The following SPAG1 variants were observed in gnomAD, a reference collection of about 807,000 sequenced individuals.
The protein encoded by SPAG1 is sperm-associated antigen 1.
Under a neutral mutation model 100.5 loss-of-function variants are expected in SPAG1, and 69 were observed. The observed-to-expected ratio is 0.69, with a 90% CI of 0.57 to 0.84. SPAG1 has a LOEUF of 0.84. Ranked by LOEUF, SPAG1 falls within the 40% of genes least tolerant of loss-of-function variation. The pLI, the probability that SPAG1 is intolerant of heterozygous loss-of-function variation, is 0.00. For missense variants in SPAG1, 955 were observed against 1,133.1 expected (o/e 0.84, Z 2.26); for synonymous variants, 336 against 411.6 (o/e 0.82, Z 2.22).
intron 1 of SPAG1, among the ~76,000 whole-genome samples, chr8:100,161,860 C>T (rs1815320969): frequency 6.6e-6 from 1 of 152,220 alleles, no homozygotes; most frequent in African/African-American, 2.4e-5. Context: ...GGACATATGG[C>T]TTAGAAGGTA....
intron 14 of SPAG1, among the ~76,000 whole-genome samples, chr8:100,229,735 G>T (rs2132417738): frequency 6.6e-6 from 1 of 152,360 alleles, no homozygotes; most frequent in East Asian, 1.9e-4. Context: ...AATAGGGATA[G>T]TGTGTAATTC....
intron 6 of SPAG1, among the ~76,000 whole-genome samples, 183 bp downstream of exon 6, chr8:100,184,245 A>G (rs1816492498): frequency 6.6e-6 from 1 of 152,190 alleles, no homozygotes; most frequent in South Asian, 2.1e-4. Flanking sequence ...TAATTTTTAA[A>G]TGTAGTAAGG....
At chr8:100,215,926 T>C (rs901930917) in intron 12 of SPAG1, among the ~76,000 whole-genome samples, 3 of 152,256 alleles carry the variant, frequency 2.0e-5, no homozygotes, top group African/African-American at 7.2e-5. Flanking sequence ...TATTTAAATT[T>C]GAAGTGAATA....
intron 10 of SPAG1, among the ~76,000 whole-genome samples, chr8:100,206,727 A>C (rs1385929062): frequency 6.6e-6 from 1 of 152,130 alleles, no homozygotes. Flanking sequence ...ACCAAGAAAG[A>C]GACACAATGC....
intron 12 of SPAG1, among the ~76,000 whole-genome samples, chr8:100,219,222 G>A (rs1178408524): frequency 6.6e-6 from 1 of 152,228 alleles, no homozygotes; most frequent in Non-Finnish European, 1.5e-5. Flanking sequence ...ATTTCTAAGA[G>A]TATCGGAAAA....
intron 12 of SPAG1, among the ~76,000 whole-genome samples, chr8:100,215,524 G>A (rs1460757918): frequency 1.3e-5 from 2 of 152,116 alleles, no homozygotes; most frequent in East Asian, 3.9e-4. Flanking sequence ...GGCTGTATCA[G>A]TTTATTTTGT....
At chr8:100,226,055 G>A (rs1218869551) in intron 14 of SPAG1, among the ~76,000 whole-genome samples, 8 of 149,342 alleles carry the variant, frequency 5.4e-5, no homozygotes, top group South Asian at 2.1e-4. Context: ...AGAGTGCAGT[G>A]GTGTGACCTC....
At chr8:100,214,706 G>T (rs1161788277) in intron 12 of SPAG1, among the ~76,000 whole-genome samples, 5 of 152,120 alleles carry the variant, frequency 3.3e-5, no homozygotes, top group Non-Finnish European at 7.4e-5. Context: ...CTCATGGCCA[G>T]GCACAGTGGC....
At position 100,239,130 on chromosome 8, in the gene SPAG1, G is replaced by A; in HGVS notation, c.2116-110G>A. On this transcript the variant is annotated intron_variant, in intron 16 of 18. Transcript: ENST00000388798. This position sits in a 1 kb window ranked among gnomAD's most constrained non-coding sequence, Gnocchi z 5.0. ...CACTTTGTAAGAGTGGTATTAATGT[G>A]GACCCTGCACACATACTGCACAGCT... 1 of 577,788 alleles carries A rather than the reference G, an allele frequency of 1.7e-6. No homozygotes were observed. The highest frequency in any genetic ancestry group is 3.0e-6 in the Non-Finnish European group (1 of 334,250). 35.8% of individuals were successfully genotyped at this position (577,788 alleles called of 1,614,324 possible). A position where few individuals can be genotyped will look rare whatever the true frequency, so the allele number is the denominator to read the frequency against.
At position 100,213,242 on chromosome 8, in the gene SPAG1, C is replaced by G. The variant is rs1464845313; in HGVS notation, c.1249C>G (p.Arg417Gly). 7.6e-7 allele frequency: 1 copy of G among 1,313,184 alleles called. No individual in the cohort carries two copies. Among genetic ancestry groups the G allele is most frequent in the South Asian group, 1.9e-5 (1 of 51,860 alleles). 81.3% of individuals were successfully genotyped at this position (1,313,184 alleles called of 1,614,324 possible). A position where few individuals can be genotyped will look rare whatever the true frequency, so the allele number is the denominator to read the frequency against. The part of the protein sequence containing the change: ...GQTPEAGADK[R>G]SPRRASAAAA... The stretch of plus-strand genomic sequence containing the variant: ...GACCCCGGAGGCCGGCGCGGACAAG[C>G]GGAGCCCACGGCGGGCCTCTGCGGC... The change falls in exon 11 of 19, where the codon CGG becomes GGG. Residue 417 changes from arginine to glycine, a missense_variant. By Grantham distance (125) the Arg-to-Gly change is moderately radical. Coordinates refer to ENST00000388798, the MANE Select transcript of SPAG1 (RefSeq NM_003114.5).
At chr8:100,162,216 C>T in intron 1 of SPAG1, 63 bp from the exon 2 acceptor site, 1 of 1,307,320 alleles carries the variant, frequency 7.6e-7, no homozygotes, top group Non-Finnish European at 1.1e-6. Context: ...TACATGGTTA[C>T]CACTATCCAA....
chr8:100,212,744 A>G (rs1217409658), intron 10 of SPAG1, among the ~76,000 whole-genome samples: 3 of 152,200 alleles, frequency 2.0e-5, no homozygotes, highest in Non-Finnish European at 2.9e-5. Context: ...AAAAGTACGT[A>G]TTTTGTAAGC....
At chr8:100,225,688 TGG>T (rs1051895635) in intron 14 of SPAG1, among the ~76,000 whole-genome samples, 8 of 152,124 alleles carry the variant, frequency 5.3e-5, no homozygotes, top group African/African-American at 1.9e-4. Context: ...TTGGCCAGGC[TGG>T]TCTCAAACTC....
At position 100,190,570 on chromosome 8, in the gene SPAG1, C is replaced by T. The variant is rs1369285894; in HGVS notation, c.833-820C>T. Among the ~76,000 whole-genome samples the T allele has an allele frequency of 3.9e-5, 6 of 152,054 alleles. No individual in the cohort carries two copies. In the East Asian group the frequency reaches 9.7e-4, roughly 24 times the overall value. ...ATTCTCTCAGTTCCCTATGCTAAGTCACTCCTTCTAATCATTTTAGAGATT... is the reference window on the plus strand; with the variant it reads ...ATTCTCTCAGTTCCCTATGCTAAGTTACTCCTTCTAATCATTTTAGAGATT... On this transcript the variant is annotated intron_variant, in intron 8 of 18. Coordinates refer to ENST00000388798, the MANE Select transcript of SPAG1 (RefSeq NM_003114.5).
At position 100,179,341 on chromosome 8, in the gene SPAG1, C is replaced by G. The variant is rs552713341; in HGVS notation, c.426+1400C>G. 2.4e-4 allele frequency among the ~76,000 whole-genome samples: 36 copies of G among 152,274 alleles called. 3 individuals carry two copies. The South Asian group carries it at 7.5e-3, about 32-fold the overall frequency. On this transcript the variant is annotated intron_variant, in intron 4 of 18. Coordinates refer to ENST00000388798, the MANE Select transcript of SPAG1 (RefSeq NM_003114.5). ...GAGGTTGCAGTGAGCTGAGATCACA[C>G]CACTGTACTCCAGCCTGGGGGAAAG...
At position 100,184,110 on chromosome 8, in the gene SPAG1, T is replaced by A. The variant is rs776733320; in HGVS notation, c.595+48T>A. ...TTTAGTAGTCTTTAAAGTTTTTCAA[T>A]TATAATAAAAAGTGTCAATCTAGAA... On this transcript the variant is annotated intron_variant, in intron 6 of 18. Coordinates refer to ENST00000388798, the MANE Select transcript of SPAG1 (RefSeq NM_003114.5). The A allele has an allele frequency of 3.3e-5, 27 of 829,636 alleles. 1 individual carries two copies. Among genetic ancestry groups the A allele is most frequent in the Non-Finnish European group, 4.8e-5 (26 of 539,526 alleles). The allele number at this position is 829,636 out of a possible 1,614,324, so 51.4% of individuals were successfully genotyped here.
chr8:100,233,512 G>A lies in SPAG1; in HGVS notation c.2090G>A (p.Arg697Gln), dbSNP rs1393833729. The change falls in exon 16 of 19, where the codon CGA (arginine) becomes CAA (glutamine). Residue 697 changes from arginine to glutamine, a missense_variant. Transcript: ENST00000388798. ...ADGNVKAFYR[R>Q]ALAHKGLKNY... ...GGGAACGTGAAAGCCTTCTATAGAC[G>A]AGCTCTGGCTCATAAAGGACTCAAG... The A allele has an allele frequency of 3.7e-6, 6 of 1,610,068 alleles. No individual in the cohort carries two copies. Among genetic ancestry groups the A allele is most frequent in the East Asian group, 4.5e-5 (2 of 44,852 alleles).
At chr8:100,185,816 G>A (rs542693147) in intron 7 of SPAG1, among the ~76,000 whole-genome samples, 1 of 152,072 alleles carries the variant, frequency 6.6e-6, no homozygotes, top group Non-Finnish European at 1.5e-5. Flanking sequence ...ATGAAGATAC[G>A]AGGTAAAGAG....
At chr8:100,193,384 C>A (rs916936874) in intron 9 of SPAG1, among the ~76,000 whole-genome samples, 6 of 152,114 alleles carry the variant, frequency 3.9e-5, no homozygotes, top group Middle Eastern at 3.4e-3. Flanking sequence ...TAATTTGAGC[C>A]CGGGAGGTCA....
Sources: gnomAD v4.1 joint callset for allele counts (sites outside exome capture counted in the v4.1 genomes callset) on GRCh38, gnomAD v4.1.1 for gene constraint, Gnocchi (gnomAD v3.1) non-coding constraint, MANE v1.5 for transcripts, NCBI Gene and HGNC (gene_info 2026-07-23, HGNC 2026-07-21) for gene names.